Variants in PADI1 observed in about 807,000 individuals in gnomAD.
The protein encoded by PADI1 is protein-arginine deiminase type-1.
PADI1 carries 65 observed loss-of-function variants against 74.8 expected under a neutral mutation model. The observed-to-expected ratio is 0.87, with a 90% CI of 0.71 to 1.07. The LOEUF is 1.07. Ranked by LOEUF, PADI1 falls within the 50% of genes least tolerant of loss-of-function variation. The pLI, the probability that PADI1 is intolerant of heterozygous loss-of-function variation, is 0.00. For missense variants in PADI1, 943 were observed against 854.0 expected (o/e 1.10, Z -1.30); for synonymous variants, 371 against 336.2 (o/e 1.10, Z -1.13).
rs2072176469 is a variant in PADI1 at position 17,222,280 on chromosome 1, T to A, written c.93-10T>A. The A allele has an allele frequency of 6.2e-7, 1 of 1,610,862 alleles. No homozygotes were observed. The highest frequency in any genetic ancestry group is 1.7e-5 in the Admixed American group (1 of 59,980). On this transcript the variant is annotated splice_polypyrimidine_tract_variant and intron_variant, in intron 1 of 15. Transcript: ENST00000375471. ...AGACTGGTTCTCTTCCCATCTCTCTTCTCTGCCAGTGATGTGCCCAAGGGT... is the reference window on the plus strand; with the variant it reads ...AGACTGGTTCTCTTCCCATCTCTCTACTCTGCCAGTGATGTGCCCAAGGGT...
rs777866510 is a variant in PADI1 at position 17,245,277 on chromosome 1, C to G, written c.*1034C>G. On this transcript the variant is annotated 3_prime_UTR_variant, in exon 16 of 16. Transcript: ENST00000375471. The surrounding 1 kb of genome is among the most constrained non-coding windows in gnomAD (Gnocchi z 4.1). ...AGGCAGTGGGAGGGGAAGGCTTGCC[C>G]GGTCTCTCTCAGCAACCCAGGGACC... 5.2e-5 allele frequency: 8 copies of G among 152,642 alleles called. No homozygotes were observed. The highest frequency in any genetic ancestry group is 1.2e-4 in the Non-Finnish European group (8 of 68,068). The allele number at this position is 152,642 out of a possible 1,614,324, so 9.5% of individuals were successfully genotyped here. A position where few individuals can be genotyped will look rare whatever the true frequency, so the allele number is the denominator to read the frequency against.
chr1:17,242,875 G>T (rs555862210), intron 15 of PADI1, among the ~76,000 whole-genome samples: 3 of 152,166 alleles, frequency 2.0e-5, no homozygotes, highest in Admixed American at 2.0e-4. Flanking sequence ...TCTGCCCTTT[G>T]CCCCCTGCAT....
At chr1:17,228,136 A>C (rs1400684308) in intron 6 of PADI1, among the ~76,000 whole-genome samples, 1 of 152,094 alleles carries the variant, frequency 6.6e-6, no homozygotes, top group African/African-American at 2.4e-5. Context: ...GACTACAGAC[A>C]TGTGCCACCA....
At chr1:17,240,016 G>C (rs1437220493) in intron 14 of PADI1, 1 of 521,434 alleles carries the variant, frequency 1.9e-6, no homozygotes, top group Non-Finnish European at 3.5e-6. Context: ...CCGGCCCCAC[G>C]CTGGGGCAAT....
intron 1 of PADI1, among the ~76,000 whole-genome samples, chr1:17,217,430 C>T (rs575747530): frequency 9.2e-5 from 14 of 152,146 alleles, no homozygotes; most frequent in African/African-American, 2.9e-4. Flanking sequence ...TGTGTCCTCT[C>T]GGGGAAGGCT....
chr1:17,209,584 C>G (rs538957748), intron 1 of PADI1, among the ~76,000 whole-genome samples: 1 of 152,288 alleles, frequency 6.6e-6, no homozygotes, highest in Admixed American at 6.5e-5. Context: ...GAATCTCTCC[C>G]CCTCCCTCTG....
At chr1:17,212,443 C>T (rs1275273147) in intron 1 of PADI1, among the ~76,000 whole-genome samples, 4 of 151,868 alleles carry the variant, frequency 2.6e-5, no homozygotes, top group African/African-American at 9.7e-5. Flanking sequence ...CCACCCCCAC[C>T]CACTCAGTTT....
rs2072757351 is a variant in PADI1, at chr1:17,240,712, G to T, written c.1710G>T (p.Gln570His). The change falls in exon 15 of 16, where the codon CAG becomes CAT. Residue 570 changes from glutamine (Q) to histidine (H), a missense_variant. Gln to His is a conservative substitution (Grantham distance 24). Coordinates refer to ENST00000375471, the MANE Select transcript of PADI1 (RefSeq NM_013358.3). ...LAESDIVDIP[Q>H]LFFLKNFYAE... ...AGAGTGACATCGTGGACATTCCCCA[G>T]CTCTTCTTCCTGAAAAACTTCTACG... 6.2e-7 allele frequency: 1 copy of T among 1,614,136 alleles called. No homozygotes were observed. Among genetic ancestry groups the T allele is most frequent in the African/African-American group, 1.3e-5 (1 of 75,052 alleles).
chr1:17,234,733 T>C (rs991829326), intron 11 of PADI1, among the ~76,000 whole-genome samples: 3 of 152,184 alleles, frequency 2.0e-5, no homozygotes, highest in African/African-American at 7.2e-5. Flanking sequence ...GATACAGAAA[T>C]GGCTGAGGAG....
At chr1:17,215,933 A>G (rs2071966105) in intron 1 of PADI1, among the ~76,000 whole-genome samples, 1 of 152,292 alleles carries the variant, frequency 6.6e-6, no homozygotes, top group African/African-American at 2.4e-5. Flanking sequence ...GGGTTGGGGA[A>G]CCAGACTCAT....
chr1:17,226,459 C>T (rs2072314662), intron 6 of PADI1, among the ~76,000 whole-genome samples: 1 of 152,170 alleles, frequency 6.6e-6, no homozygotes, highest in South Asian at 2.1e-4. Context: ...TTTACCATTG[C>T]CCCACACCCG....
chr1:17,229,867 C>T (rs959947846), intron 8 of PADI1, among the ~76,000 whole-genome samples: 1 of 152,196 alleles, frequency 6.6e-6, no homozygotes, highest in Admixed American at 6.5e-5. Flanking sequence ...TGCCTCTGGG[C>T]ACCACTGCCC....
At chr1:17,222,880 C>G (rs547439202) in intron 2 of PADI1, among the ~76,000 whole-genome samples, 1 of 152,332 alleles carries the variant, frequency 6.6e-6, no homozygotes, top group South Asian at 2.1e-4. Context: ...ACGGATCTCC[C>G]ACACCTAAGC....
chr1:17,216,127 G>T (rs1363532694), intron 1 of PADI1, among the ~76,000 whole-genome samples: 2 of 152,154 alleles, frequency 1.3e-5, no homozygotes, highest in African/African-American at 4.8e-5. Context: ...AAGCAAGAGG[G>T]CGTGGGGAGG....
At chr1:17,219,302 A>C (rs2100432352) in intron 1 of PADI1, among the ~76,000 whole-genome samples, 1 of 152,050 alleles carries the variant, frequency 6.6e-6, no homozygotes, top group East Asian at 1.9e-4. Flanking sequence ...GGGATGAGGG[A>C]CAGCAGTGGG....
intron 1 of PADI1, among the ~76,000 whole-genome samples, chr1:17,208,324 C>A (rs2071733561): frequency 6.6e-6 from 1 of 152,212 alleles, no homozygotes; most frequent in East Asian, 1.9e-4. Context: ...GGTGTCCCAG[C>A]CTAGGAAACC....
chr1:17,236,001 A>G (rs1279519216), intron 11 of PADI1, among the ~76,000 whole-genome samples: 4 of 152,080 alleles, frequency 2.6e-5, no homozygotes, highest in Non-Finnish European at 5.9e-5. Flanking sequence ...GATAGATAGG[A>G]CCTGAGGTTT....
chr1:17,243,962 C>T (rs1237939517), intron 15 of PADI1, 48 bp from the exon 16 acceptor site: 2 of 1,355,744 alleles, frequency 1.5e-6, no homozygotes, highest in East Asian at 2.3e-5. Context: ...GCCAGAAGCA[C>T]AGCACTTATA....
Position 17,223,611 on chromosome 1 carries a change from T to C in PADI1, c.274-10T>C, listed in dbSNP as rs577848418. ...TGATGGCCGTGCAGGCTTAGGGCTA[T>C]GTTCTGCAGGTGAGGGTCTCCTACT... On this transcript the variant is annotated splice_polypyrimidine_tract_variant and intron_variant, in intron 2 of 15. Transcript: ENST00000375471. 3.9e-5 allele frequency: 63 copies of C among 1,612,094 alleles called. No homozygotes were observed. The highest frequency in any genetic ancestry group is 1.7e-4 in the Middle Eastern group (1 of 5,990).
Sources: gnomAD v4.1 joint callset for allele counts (sites outside exome capture counted in the v4.1 genomes callset) on GRCh38, gnomAD v4.1.1 for gene constraint, Gnocchi (gnomAD v3.1) non-coding constraint, MANE v1.5 for transcripts, NCBI Gene and HGNC (gene_info 2026-07-23, HGNC 2026-07-21) for gene names.